Variants in TRAP1 observed in about 807,000 individuals in gnomAD.
TRAP1 encodes the protein TNF receptor associated protein 1.
In TRAP1, 102 loss-of-function variants were observed where a neutral mutation model predicts 89.1. The observed-to-expected ratio is 1.15, with a 90% CI of 0.98 to 1.35. The LOEUF (loss-of-function observed/expected upper bound fraction) is 1.35. Ranked by LOEUF, TRAP1 falls within the 40% of genes most tolerant of loss-of-function variation. The pLI is 0.00. For synonymous variants in TRAP1, 508 were observed against 388.0 expected (o/e 1.31, Z -3.64); for missense variants, 1,256 against 945.3 (o/e 1.33, Z -4.31).
At chr16:3,677,208 C>T (rs2051010092) in intron 6 of TRAP1, among the ~76,000 whole-genome samples, 2 of 152,084 alleles carry the variant, frequency 1.3e-5, no homozygotes, top group African/African-American at 4.8e-5. Flanking sequence ...ATAGTGTCCA[C>T]CAGGCGACAG....
In TRAP1 at chr16:3,674,414, G is replaced by C; in HGVS notation, c.969C>G (p.Asp323Glu). Reference sequence around the variant, plus strand: ...TATAGTGCAGGGTGTAGCGGGGCTTGTCGTGAGCCTGCGCGACGTAGCGGT... The same window carrying C: ...TATAGTGCAGGGTGTAGCGGGGCTTCTCGTGAGCCTGCGCGACGTAGCGGT... ...EFYRYVAQAH[D>E]KPRYTLHYKT... The change falls in exon 9 of 18, where the codon GAC becomes GAG. Residue 323 changes from aspartate to glutamate, a missense_variant. Coordinates refer to ENST00000246957, the MANE Select transcript of TRAP1 (RefSeq NM_016292.3). 6.2e-7 allele frequency: 1 copy of C among 1,614,136 alleles called. No individual in the cohort carries two copies. Among genetic ancestry groups the C allele is most frequent in the Non-Finnish European group, 8.5e-7 (1 of 1,180,040 alleles).
At chr16:3,696,928 T>C (rs1234142265) in intron 1 of TRAP1, among the ~76,000 whole-genome samples, 2 of 152,056 alleles carry the variant, frequency 1.3e-5, no homozygotes, top group Non-Finnish European at 2.9e-5. Flanking sequence ...GGATTCACCA[T>C]GTTGCCCAGG....
rs777601109 is a variant in TRAP1, at chr16:3,658,843, T to G, written c.1963A>C (p.Asn655His). The change falls in exon 17 of 18, where the codon AAT (asparagine) becomes CAT (histidine). Residue 655 changes from asparagine to histidine, a missense_variant. Asn to His is a moderately conservative substitution (Grantham distance 68, BLOSUM62 1). Coordinates refer to ENST00000246957, the MANE Select transcript of TRAP1 (RefSeq NM_016292.3). Reference sequence around the variant, plus strand: ...CCAGGCTCGCTTGCGCGCAGCTGATTCAGCTTCTTGATGAGCGCGTGCCTG... The same window carrying G: ...CCAGGCTCGCTTGCGCGCAGCTGATGCAGCTTCTTGATGAGCGCGTGCCTG... ...NPRHALIKKLNQLRASEPGLA... is the reference protein window; with the variant it reads ...NPRHALIKKLHQLRASEPGLA... 5 of 1,614,062 alleles carry G rather than the reference T, an allele frequency of 3.1e-6. No individual in the cohort carries two copies. The highest frequency in any genetic ancestry group is 4.2e-6 in the Non-Finnish European group (5 of 1,180,002).
At position 3,710,883 on chromosome 16, in the gene TRAP1, T is replaced by A. The variant is rs868846915; in HGVS notation, c.88+6538A>T. Among the ~76,000 whole-genome samples, 1,032 of 141,202 alleles carry A rather than the reference T, an allele frequency of 7.3e-3. 9 individuals carry two copies. The highest frequency in any genetic ancestry group is 0.011 in the Non-Finnish European group (692 of 65,516). The allele number at this position is 141,202 out of a possible 152,430, so 92.6% of individuals were successfully genotyped here. On this transcript the variant is annotated intron_variant, in intron 1 of 17. Transcript: ENST00000246957. ...TATATATATATATATATATATATTTTTTTTTTTGAGACACTGTCACTCTGT... is the reference window on the plus strand; with the variant it reads ...TATATATATATATATATATATATTTATTTTTTTGAGACACTGTCACTCTGT...
intron 11 of TRAP1, among the ~76,000 whole-genome samples, chr16:3,670,310 G>C (rs1016911242): frequency 6.8e-6 from 1 of 146,192 alleles, no homozygotes; most frequent in Non-Finnish European, 1.5e-5. Flanking sequence ...GTGAACCTAG[G>C]AGGCGAAGGT....
In TRAP1 at chr16:3,672,725, C is replaced by A. The variant is rs1311407724; in HGVS notation, c.1140G>T (p.Leu380=). ...CTCGGATGAAGCGCAGCCACTTGGG[C>A]AGGATGTCCGTGGCCTTGGTCTGGA... ...VLIQTKATDI[L]PKWLRFIRGV... Residue 380 remains leucine (L), a synonymous_variant, in exon 10 of 18, where the codon CTG becomes CTT. Transcript: ENST00000246957. 3.1e-6 allele frequency: 5 copies of A among 1,610,142 alleles called. No homozygotes were observed. In the South Asian group the frequency reaches 5.5e-5, roughly 18 times the overall value.
intron 11 of TRAP1, among the ~76,000 whole-genome samples, chr16:3,669,729 A>G (rs2050885206): frequency 6.7e-6 from 1 of 148,158 alleles, no homozygotes; most frequent in South Asian, 2.2e-4. Context: ...GCTACTCGGG[A>G]GGCTGAGACA....
At chr16:3,679,514 C>T (rs1432876012) in intron 5 of TRAP1, among the ~76,000 whole-genome samples, 2 of 152,090 alleles carry the variant, frequency 1.3e-5, no homozygotes, top group South Asian at 2.1e-4. Flanking sequence ...CAAGGGGGGT[C>T]CTGAAACCAA....
At chr16:3,666,179 AGGGTACG>A in intron 11 of TRAP1, 61 bp from the exon 12 acceptor site, 2 of 1,550,296 alleles carry the variant, frequency 1.3e-6, no homozygotes, top group Admixed American at 4.1e-5. Flanking sequence ...AAATGGCCAG[AGGGTACG>A]AAAAAATGTT....
chr16:3,698,702 T>C (rs940627458), intron 1 of TRAP1, among the ~76,000 whole-genome samples: 3 of 150,460 alleles, frequency 2.0e-5, no homozygotes, highest in African/African-American at 7.3e-5. Flanking sequence ...AGCTCAGGAG[T>C]TTGAAATTAG....
At chr16:3,698,865 G>A (rs559024871) in intron 1 of TRAP1, among the ~76,000 whole-genome samples, 2 of 151,276 alleles carry the variant, frequency 1.3e-5, no homozygotes, top group East Asian at 3.9e-4. Flanking sequence ...CAGGGTGGGA[G>A]ATGCAGCCAG....
intron 1 of TRAP1, among the ~76,000 whole-genome samples, chr16:3,717,122 G>A (rs1596765943): frequency 6.6e-6 from 1 of 152,236 alleles, no homozygotes; most frequent in African/African-American, 2.4e-5. Context: ...TGACTGGACC[G>A]AAGCTCCAGG....
Position 3,713,782 on chromosome 16 carries a change from C to T in TRAP1, c.88+3639G>A, listed in dbSNP as rs1462666142. Among the ~76,000 whole-genome samples the T allele has an allele frequency of 2.0e-5, 3 of 152,334 alleles. No individual in the cohort carries two copies. In the East Asian group the frequency reaches 5.8e-4, roughly 29 times the overall value. On this transcript the variant is annotated intron_variant, in intron 1 of 17. Coordinates refer to ENST00000246957, the MANE Select transcript of TRAP1 (RefSeq NM_016292.3). ...GTCTTCCCTCTCCTTTAGGAGGCGGCCTCATCCTTCTACTGGCACATCTGA... is the reference window on the plus strand; with the variant it reads ...GTCTTCCCTCTCCTTTAGGAGGCGGTCTCATCCTTCTACTGGCACATCTGA...
rs1204350781 is a variant in TRAP1 at position 3,677,490 on chromosome 16, T to C, written c.704+8A>G. 1.9e-6 allele frequency: 3 copies of C among 1,614,034 alleles called. No individual in the cohort carries two copies. In the African/African-American group the frequency reaches 4.0e-5, roughly 22 times the overall value. On this transcript the variant is annotated splice_region_variant and intron_variant, in intron 6 of 17. Transcript: ENST00000246957. ...TGAGCTGCCTGTCAGGCGACATTCG[T>C]CACTCACCCATCTGAAAGCCACTGG...
chr16:3,680,344 T>C (rs976210421), intron 4 of TRAP1, among the ~76,000 whole-genome samples: 17 of 152,152 alleles, frequency 1.1e-4, no homozygotes, highest in African/African-American at 3.6e-4. Flanking sequence ...TTAAAAACCA[T>C]TCCGAAAAGA....
chr16:3,684,805 A>C (rs1029590587), intron 4 of TRAP1, among the ~76,000 whole-genome samples: 2 of 152,166 alleles, frequency 1.3e-5, no homozygotes, highest in Admixed American at 1.3e-4. Context: ...AAAAGGAAAA[A>C]AGATGAAACA....
In TRAP1 at chr16:3,674,507, A is replaced by T; in HGVS notation, c.889-13T>A. The T allele has an allele frequency of 1.9e-6, 3 of 1,613,160 alleles. No individual in the cohort carries two copies. The highest frequency in any genetic ancestry group is 3.3e-4 in the Middle Eastern group (2 of 6,058). On this transcript the variant is annotated splice_polypyrimidine_tract_variant and intron_variant, in intron 8 of 17. Coordinates refer to ENST00000246957, the MANE Select transcript of TRAP1 (RefSeq NM_016292.3). ...TCATCCAGATGGCCTGGAAACGGAG[A>T]TCGGCGGGGAGGGCGTCGTGTTCAC...
intron 11 of TRAP1, among the ~76,000 whole-genome samples, chr16:3,668,940 G>A (rs901743200): frequency 6.6e-6 from 1 of 152,214 alleles, no homozygotes; most frequent in East Asian, 1.9e-4. Context: ...GGGACGCCAG[G>A]AGCTCCCTCT....
chr16:3,670,888 G>C (rs1343546087), intron 11 of TRAP1, among the ~76,000 whole-genome samples: 1 of 152,018 alleles, frequency 6.6e-6, no homozygotes, highest in Non-Finnish European at 1.5e-5. Flanking sequence ...GCTCCTGCCC[G>C]CGGCACAGGA....
Sources: allele counts gnomAD v4.1 joint callset (sites outside exome capture counted in the v4.1 genomes callset), GRCh38; gene constraint gnomAD v4.1.1; transcripts MANE v1.5; gene names NCBI Gene and HGNC (gene_info 2026-07-23, HGNC 2026-07-21).